Variants in MLLT10 observed in about 807,000 individuals in gnomAD.
MLLT10 encodes the protein MLLT10 histone lysine methyltransferase DOT1L cofactor.
In MLLT10, 30 loss-of-function variants were observed where a neutral mutation model predicts 129.1. That is an observed-to-expected ratio of 0.23 (90% CI 0.17 to 0.32). MLLT10 has a LOEUF of 0.32. MLLT10 is among the 10% of genes least tolerant of loss of function. The pLI, the probability that MLLT10 is intolerant of heterozygous loss-of-function variation, is 1.00. For missense variants in MLLT10, 1,119 were observed against 1,268.3 expected, an observed-to-expected ratio of 0.88 and a Z score of 1.79; for synonymous variants, 490 against 446.4, an observed-to-expected ratio of 1.10 and a Z score of -1.23.
At chr10:21,698,225 C>A (rs1054145772) in intron 13 of MLLT10, among the ~76,000 whole-genome samples, 1 of 152,192 alleles carries the variant, frequency 6.6e-6, no homozygotes, top group African/African-American at 2.4e-5. Context: ...CTCCTACCCT[C>A]ACACTCTTGC....
chr10:21,586,387 A>C lies in MLLT10; in HGVS notation c.295+39A>C, dbSNP rs2041987439. The stretch of plus-strand genomic sequence containing the variant: ...TTTCTTGAAAAAAATTTTATTGAAA[A>C]CTGGGACAGTGGAGTATTTTCAAAT... On this transcript the variant is annotated intron_variant, in intron 4 of 22. Coordinates refer to ENST00000307729, the MANE Select transcript of MLLT10 (RefSeq NM_001195626.3). 3.6e-6 allele frequency: 5 copies of C among 1,379,886 alleles called. No individual in the cohort carries two copies. In the Admixed American group the frequency reaches 6.5e-5, roughly 18 times the overall value. The allele number at this position is 1,379,886 out of a possible 1,614,324, so 85.5% of individuals were successfully genotyped here. A position where few individuals can be genotyped will look rare whatever the true frequency, so the allele number is the denominator to read the frequency against.
At chr10:21,726,676 A>G (rs910980424) in intron 15 of MLLT10, among the ~76,000 whole-genome samples, 5 of 142,108 alleles carry the variant, frequency 3.5e-5, no homozygotes, top group Admixed American at 2.3e-4. Context: ...CAAAATAGCA[A>G]TGTCCTTTTT....
chr10:21,696,828 G>A (rs1376267491), intron 13 of MLLT10, among the ~76,000 whole-genome samples: 1 of 151,968 alleles, frequency 6.6e-6, no homozygotes, highest in African/African-American at 2.4e-5. Context: ...TCATCTCCCT[G>A]ACTCCACTCT....
intron 13 of MLLT10, among the ~76,000 whole-genome samples, chr10:21,689,659 A>G (rs560885953): frequency 7.0e-6 from 1 of 141,848 alleles, no homozygotes; most frequent in Non-Finnish European, 1.5e-5. Context: ...ATATATATAT[A>G]TATTTTTTTT....
At chr10:21,577,515 G>A (rs1248280105) in intron 3 of MLLT10, among the ~76,000 whole-genome samples, 1 of 148,994 alleles carries the variant, frequency 6.7e-6, no homozygotes, top group African/African-American at 2.5e-5. Flanking sequence ...CCAGGCTGGA[G>A]TGCAATGGTG....
chr10:21,572,968 CA>C (rs2040369065), intron 3 of MLLT10, among the ~76,000 whole-genome samples: 1 of 151,918 alleles, frequency 6.6e-6, no homozygotes, highest in African/African-American at 2.4e-5. Flanking sequence ...ATATTAAATA[CA>C]TTTTTTAGCA....
Position 21,670,692 on chromosome 10 carries a change from C to A in MLLT10, c.1039C>A (p.Pro347Thr). The A allele has an allele frequency of 6.2e-7, 1 of 1,613,674 alleles. No individual in the cohort carries two copies. Among genetic ancestry groups the A allele is most frequent in the Non-Finnish European group, 8.5e-7 (1 of 1,179,848 alleles). Residue 347 changes from proline (P) to threonine (T), a missense_variant, in exon 10 of 23, where the codon CCT (proline) becomes ACT (threonine). By Grantham distance (38) the Pro-to-Thr change is conservative (BLOSUM62 -1). Coordinates refer to ENST00000307729, the MANE Select transcript of MLLT10 (RefSeq NM_001195626.3). Reference sequence around the variant, plus strand: ...AGGAACAACTGTGTCAGCAGCTAGCCCTTTTCCTCAAGGTATTAGTGATGT... The same window carrying A: ...AGGAACAACTGTGTCAGCAGCTAGCACTTTTCCTCAAGGTATTAGTGATGT... ...NPGTTVSAAS[P>T]FPQGSFSGTP...
intron 8 of MLLT10, among the ~76,000 whole-genome samples, chr10:21,620,847 C>T (rs192984263): frequency 2.2e-4 from 33 of 152,026 alleles, no homozygotes; most frequent in East Asian, 3.9e-4. Flanking sequence ...CCTGCCACCA[C>T]GCCTGGCTAA....
intron 11 of MLLT10, among the ~76,000 whole-genome samples, chr10:21,675,681 C>T (rs906835242): frequency 3.3e-5 from 5 of 152,090 alleles, no homozygotes; most frequent in African/African-American, 1.2e-4. Flanking sequence ...TCATTTTTAG[C>T]AAGAGGCGTA....
At chr10:21,652,653 A>T (rs1339699839) in intron 9 of MLLT10, among the ~76,000 whole-genome samples, 1 of 152,196 alleles carries the variant, frequency 6.6e-6, no homozygotes, top group Admixed American at 6.5e-5. Context: ...AGCTGTATAA[A>T]CCAGTGTAAG....
rs41277386 is a variant in MLLT10 at position 21,726,307 on chromosome 10, A to G, written c.1942A>G (p.Asn648Asp). 1,174 of 1,613,448 alleles carry G rather than the reference A, an allele frequency of 7.3e-4. No individual in the cohort carries two copies. The highest frequency in any genetic ancestry group is 9.1e-4 in the Non-Finnish European group (1,076 of 1,179,596). Reference protein sequence around the residue: ...APSHMYGNRSNSSMAALIAQS... With the variant: ...APSHMYGNRSDSSMAALIAQS... Reference sequence around the variant, plus strand: ...ATCTCATATGTATGGCAATAGATCAAATTCATCAATGGCAGCTCTTATAGC... The same window carrying G: ...ATCTCATATGTATGGCAATAGATCAGATTCATCAATGGCAGCTCTTATAGC... Residue 648 changes from asparagine (N) to aspartate (D), a missense_variant, in exon 15 of 23, where the codon AAT becomes GAT. This residue lies in a region of MLLT10 where 1,004 missense variants were observed against 1,008.7 expected (regional missense o/e 1.00). Transcript: ENST00000307729.
At position 21,742,388 on chromosome 10, in the gene MLLT10, T is replaced by G. The variant is rs962037479; in HGVS notation, c.*405T>G. Reference sequence around the variant, plus strand: ...AAACTACTTGATTTTATTGTACAAGTTGAAATATGCTCTTTTGTTTGGGTT... The same window carrying G: ...AAACTACTTGATTTTATTGTACAAGGTGAAATATGCTCTTTTGTTTGGGTT... On this transcript the variant is annotated 3_prime_UTR_variant, in exon 23 of 23. Coordinates refer to ENST00000307729, the MANE Select transcript of MLLT10 (RefSeq NM_001195626.3). 27 of 232,192 alleles carry G rather than the reference T, an allele frequency of 1.2e-4. No individual in the cohort carries two copies. The East Asian group carries it at 1.7e-3, about 15-fold the overall frequency. The allele number at this position is 232,192 out of a possible 1,614,324, so 14.4% of individuals were successfully genotyped here.
rs1442565961 is a variant in MLLT10 at position 21,673,417 on chromosome 10, T to C, written c.1119T>C (p.Asp373=). The C allele has an allele frequency of 1.9e-6, 3 of 1,608,542 alleles. No individual in the cohort carries two copies. The African/African-American group carries it at 4.0e-5, about 22-fold the overall frequency. The change falls in exon 11 of 23, where the codon GAT becomes GAC. Residue 373 remains aspartate (D), a synonymous_variant. Coordinates refer to ENST00000307729, the MANE Select transcript of MLLT10 (RefSeq NM_001195626.3). The part of the protein sequence containing the change: ...SSGSSVQSPQ[D]FLSFTDSDLR... The stretch of plus-strand genomic sequence containing the variant: ...GAAGTTCAGTGCAGTCTCCCCAGGA[T>C]TTCCTGAGCTTTACAGACTCAGATC...
chr10:21,693,356 T>C (rs1181731743), intron 13 of MLLT10, among the ~76,000 whole-genome samples: 1 of 150,730 alleles, frequency 6.6e-6, no homozygotes, highest in Non-Finnish European at 1.5e-5. Context: ...ACTCAAGATA[T>C]TAGATGTCTT....
At chr10:21,714,163 T>C (rs1158202601) in intron 14 of MLLT10, among the ~76,000 whole-genome samples, 3 of 152,234 alleles carry the variant, frequency 2.0e-5, no homozygotes, top group African/African-American at 4.8e-5. Context: ...CTAATTCTTT[T>C]TAATTTCTGG....
intron 8 of MLLT10, chr10:21,624,715 C>A: frequency 7.4e-7 from 1 of 1,344,544 alleles, no homozygotes; most frequent in Non-Finnish European, 1.1e-6. Flanking sequence ...AGACCCAGTT[C>A]TGTTGTTTGT....
chr10:21,718,194 A>G (rs1410949184), intron 14 of MLLT10, among the ~76,000 whole-genome samples: 2 of 151,818 alleles, frequency 1.3e-5, no homozygotes, highest in Non-Finnish European at 2.9e-5. Context: ...CCCCCTTTCA[A>G]CAGACTAGTT....
intron 21 of MLLT10, 44 bp downstream of exon 21, chr10:21,735,279 C>T (rs1477722319): frequency 2.1e-6 from 3 of 1,422,486 alleles, no homozygotes; most frequent in Non-Finnish European, 3.0e-6. Flanking sequence ...AGCATGTGTT[C>T]TAAGCTGTAA....
intron 3 of MLLT10, among the ~76,000 whole-genome samples, chr10:21,576,783 A>G (rs1380757442): frequency 3.9e-5 from 6 of 152,080 alleles, no homozygotes; most frequent in Admixed American, 1.3e-4. Flanking sequence ...GGCATGTGCC[A>G]CCACACCTGG....
Sources: gnomAD v4.1 joint callset for allele counts (sites outside exome capture counted in the v4.1 genomes callset) on GRCh38, gnomAD v4.1.1 for gene constraint, gnomAD v4.1.1 regional missense constraint, MANE v1.5 for transcripts, NCBI Gene and HGNC (gene_info 2026-07-23, HGNC 2026-07-21) for gene names.